IPCEF1: variants seen among roughly 807,000 people sequenced by gnomAD.
The protein encoded by IPCEF1 is interactor protein for cytohesin exchange factors 1.
IPCEF1 carries 31 observed loss-of-function variants against 50.9 expected under a neutral mutation model. That is an observed-to-expected ratio of 0.61 (90% CI 0.46 to 0.82). The LOEUF (loss-of-function observed/expected upper bound fraction) is 0.82. Ranked by LOEUF, IPCEF1 falls within the 40% of genes least tolerant of loss-of-function variation. The pLI is 0.00. For synonymous variants in IPCEF1, 181 were observed against 192.0 expected, an observed-to-expected ratio of 0.94 and a Z score of 0.47; for missense variants, 458 against 514.0, an observed-to-expected ratio of 0.89 and a Z score of 1.05.
At chr6:154,189,346 G>C (rs745505013) in intron 10 of IPCEF1, among the ~76,000 whole-genome samples, 3 of 152,164 alleles carry the variant, frequency 2.0e-5, no homozygotes, top group Non-Finnish European at 4.4e-5. Context: ...GTTGAAGATA[G>C]GCATACATCA....
In IPCEF1 at chr6:154,269,426, G is replaced by C. The variant is rs143564963; in HGVS notation, c.-17-3462C>G. 4.5e-3 allele frequency among the ~76,000 whole-genome samples: 685 copies of C among 152,118 alleles called. 5 individuals carry two copies. Among genetic ancestry groups the C allele is most frequent in the African/African-American group, 0.016 (651 of 41,522 alleles). Reference sequence around the variant, plus strand: ...ATGTACCTTTGTGGAGTTTGTGTATGAGTGTTTCATTAATAATCTTGGAGT... The same window carrying C: ...ATGTACCTTTGTGGAGTTTGTGTATCAGTGTTTCATTAATAATCTTGGAGT... On this transcript the variant is annotated intron_variant, in intron 2 of 11. Transcript: ENST00000367220.
chr6:154,228,080 C>T (rs1224642956), intron 5 of IPCEF1, among the ~76,000 whole-genome samples: 1 of 152,064 alleles, frequency 6.6e-6, no homozygotes, highest in African/African-American at 2.4e-5. Flanking sequence ...CCTCCTCCTC[C>T]GCTTCTCCAG....
chr6:154,253,703 G>A (rs1003581196), intron 3 of IPCEF1, among the ~76,000 whole-genome samples: 20 of 151,936 alleles, frequency 1.3e-4, no homozygotes, highest in African/African-American at 4.8e-4. Context: ...ATATTCCCAC[G>A]TTTCTTCCAA....
intron 3 of IPCEF1, among the ~76,000 whole-genome samples, chr6:154,258,657 T>G (rs1016182405): frequency 3.3e-5 from 5 of 152,254 alleles, no homozygotes; most frequent in African/African-American, 9.6e-5. Flanking sequence ...TTCCTCTCTA[T>G]CTCCACTATT....
chr6:154,217,123 G>C lies in IPCEF1; in HGVS notation c.393-2847C>G, dbSNP rs189588979. On this transcript the variant is annotated intron_variant, in intron 7 of 11. Coordinates refer to ENST00000367220, the MANE Select transcript of IPCEF1 (RefSeq NM_001130700.2). ...AACGTGTACCATTCCAGCCTTCCAA[G>C]GGTGGAGTTGGTAGGTATGCACAGG... The C allele has an allele frequency of 1.0e-4, 17 of 163,874 alleles. No homozygotes were observed. The East Asian group carries it at 2.2e-3, about 21-fold the overall frequency. The allele number at this position is 163,874 out of a possible 1,614,324, so 10.2% of individuals were successfully genotyped here. A position where few individuals can be genotyped will look rare whatever the true frequency, so the allele number is the denominator to read the frequency against.
At position 154,186,421 on chromosome 6, in the gene IPCEF1, CA is replaced by C. The variant is rs1562529600; in HGVS notation, c.910+13246del. ...CACAGCATCTGACTGCTTTCCATCTCAACCTAGTGTTTTGTTGCTAGCAAAT... is the reference window on the plus strand; with the variant it reads ...CACAGCATCTGACTGCTTTCCATCTCACCTAGTGTTTTGTTGCTAGCAAAT... On this transcript the variant is annotated intron_variant, in intron 10 of 11. Transcript: ENST00000367220. Among the ~76,000 whole-genome samples, 4 of 152,368 alleles carry C rather than the reference CA, an allele frequency of 2.6e-5. No individual in the cohort carries two copies. The Middle Eastern group carries it at 0.01, about 389-fold the overall frequency.
intron 1 of IPCEF1, among the ~76,000 whole-genome samples, chr6:154,319,522 T>C: frequency 6.6e-6 from 1 of 152,358 alleles, no homozygotes; most frequent in African/African-American, 2.4e-5. Context: ...AAACAGAAGA[T>C]GATCCCCCGC....
chr6:154,335,464 A>G (rs1349505385), intron 1 of IPCEF1, among the ~76,000 whole-genome samples: 1 of 152,188 alleles, frequency 6.6e-6, no homozygotes, highest in Non-Finnish European at 1.5e-5. Context: ...TTCCAAGGAG[A>G]AGTTCCCCTT....
chr6:154,164,268 G>C (rs547490175), intron 11 of IPCEF1, among the ~76,000 whole-genome samples: 1 of 152,140 alleles, frequency 6.6e-6, no homozygotes, highest in Non-Finnish European at 1.5e-5. Context: ...TTTAGAACAG[G>C]GTCTCTTCAA....
Position 154,254,916 on chromosome 6 carries a change from C to T in IPCEF1, c.37-7428G>A, listed in dbSNP as rs181478816. ...ATTTACTTTTATTTTTCCCTTTTTT[C>T]TTTCTCACATGCAATTTCTCTGATG... On this transcript the variant is annotated intron_variant, in intron 3 of 11. Coordinates refer to ENST00000367220, the MANE Select transcript of IPCEF1 (RefSeq NM_001130700.2). Among the ~76,000 whole-genome samples the T allele has an allele frequency of 7.1e-3, 1,069 of 151,600 alleles. 4 individuals are homozygous for T. Among genetic ancestry groups the T allele is most frequent in the Non-Finnish European group, 0.012 (791 of 67,832 alleles).
At chr6:154,169,169 T>A (rs926991515) in intron 10 of IPCEF1, among the ~76,000 whole-genome samples, 2 of 152,250 alleles carry the variant, frequency 1.3e-5, no homozygotes, top group East Asian at 3.9e-4. Context: ...GAGACCACAC[T>A]TGACAACATG....
chr6:154,339,345 TC>T (rs1783855275), intron 1 of IPCEF1, among the ~76,000 whole-genome samples: 2 of 152,164 alleles, frequency 1.3e-5, no homozygotes, highest in African/African-American at 4.8e-5. Flanking sequence ...CAATCAACTG[TC>T]CATGAATTCT....
chr6:154,343,925 C>T lies in IPCEF1; in HGVS notation c.-62+12747G>A, dbSNP rs780929395. Reference sequence around the variant, plus strand: ...CCCGTGGTGTGCCTGGCAGCATGGCCGACCTCACATATCCCCACGTGTGTA... The same window carrying T: ...CCCGTGGTGTGCCTGGCAGCATGGCTGACCTCACATATCCCCACGTGTGTA... On this transcript the variant is annotated intron_variant, in intron 1 of 11. Transcript: ENST00000367220. Among the ~76,000 whole-genome samples, 61 of 152,128 alleles carry T rather than the reference C, an allele frequency of 4.0e-4. 1 individual carries two copies. The highest frequency in any genetic ancestry group is 2.6e-3 in the Admixed American group (39 of 15,260).
intron 1 of IPCEF1, among the ~76,000 whole-genome samples, chr6:154,315,272 T>C (rs918648461): frequency 1.6e-4 from 24 of 152,234 alleles, no homozygotes; most frequent in African/African-American, 5.1e-4. Flanking sequence ...TGCTCACTCA[T>C]GTACCTAAGC....
At chr6:154,268,290 T>TA (rs1291772102) in intron 2 of IPCEF1, among the ~76,000 whole-genome samples, 6 of 152,252 alleles carry the variant, frequency 3.9e-5, no homozygotes, top group African/African-American at 1.4e-4. Context: ...GGGGGTGGGG[T>TA]AGGTCCTGTC....
chr6:154,215,227 G>A (rs938973349), intron 7 of IPCEF1, among the ~76,000 whole-genome samples: 9 of 152,130 alleles, frequency 5.9e-5, no homozygotes, highest in Non-Finnish European at 1.0e-4. Context: ...CTTCCCACCT[G>A]TATAACTGTC....
At chr6:154,305,891 C>A (rs1782919287) in intron 1 of IPCEF1, among the ~76,000 whole-genome samples, 1 of 152,164 alleles carries the variant, frequency 6.6e-6, no homozygotes, top group Non-Finnish European at 1.5e-5. Context: ...AGTGGTTTAC[C>A]AAGGGCTCTT....
In IPCEF1 at chr6:154,168,846, TC is replaced by T. The variant is rs71021029; in HGVS notation, c.911-734del. Among the ~76,000 whole-genome samples the T allele has an allele frequency of 0.083, 12,581 of 151,962 alleles. 724 individuals are homozygous for T. Among genetic ancestry groups the T allele is most frequent in the African/African-American group, 0.16 (6,500 of 41,422 alleles). On this transcript the variant is annotated intron_variant, in intron 10 of 11. Coordinates refer to ENST00000367220, the MANE Select transcript of IPCEF1 (RefSeq NM_001130700.2). This position sits in a 1 kb window ranked among gnomAD's most constrained non-coding sequence, Gnocchi z 4.1. Reference sequence around the variant, plus strand: ...GTCTTGAACTCCTGACTTTGGGTGATCCGCCCACCTTGGCCTCCCAAAGTGC... The same window carrying T: ...GTCTTGAACTCCTGACTTTGGGTGATCGCCCACCTTGGCCTCCCAAAGTGC...
chr6:154,290,569 C>T (rs542426695), intron 1 of IPCEF1, among the ~76,000 whole-genome samples: 9 of 152,262 alleles, frequency 5.9e-5, no homozygotes, highest in East Asian at 1.9e-4. Context: ...TTCTTTCCTT[C>T]GAGGAGGCAA....
Sources: gnomAD v4.1 joint callset for allele counts (sites outside exome capture counted in the v4.1 genomes callset) on GRCh38, gnomAD v4.1.1 for gene constraint, Gnocchi (gnomAD v3.1) non-coding constraint, MANE v1.5 for transcripts, NCBI Gene and HGNC (gene_info 2026-07-23, HGNC 2026-07-21) for gene names.